The following GNG7 variants were observed in gnomAD, a reference collection of about 807,000 sequenced individuals.
The protein encoded by GNG7 is guanine nucleotide-binding protein G(I)/G(S)/G(O) subunit gamma-7.
Under a neutral mutation model 4.0 loss-of-function variants are expected in GNG7, and 1 was observed. The observed-to-expected ratio is 0.25, with a 90% confidence interval of 0.09 to 1.18. The LOEUF (loss-of-function observed/expected upper bound fraction) is 1.18. GNG7 is among the 50% of genes most tolerant of loss of function. The pLI is 0.50. For synonymous variants in GNG7, 34 were observed against 36.9 expected, an observed-to-expected ratio of 0.92 and a Z score of 0.29; for missense variants, 86 against 91.9, an observed-to-expected ratio of 0.94 and a Z score of 0.26.
intron 3 of GNG7, among the ~76,000 whole-genome samples, chr19:2,524,624 G>A (rs1019643912): frequency 7.9e-5 from 12 of 152,240 alleles, no homozygotes; most frequent in Non-Finnish European, 1.5e-4. Context: ...ATGTGCATGT[G>A]TCTATATGAG....
intron 1 of GNG7, among the ~76,000 whole-genome samples, chr19:2,702,021 A>C (rs1385260246): frequency 1.2e-5 from 1 of 86,936 alleles, no homozygotes; most frequent in Non-Finnish European, 2.3e-5. Context: ...CAATTCCACC[A>C]CCAGCCCCTT....
chr19:2,624,767 G>A (rs1392664985), intron 2 of GNG7, among the ~76,000 whole-genome samples: 2 of 152,212 alleles, frequency 1.3e-5, no homozygotes, highest in Non-Finnish European at 2.9e-5. Flanking sequence ...GAAGGAGGGA[G>A]GCTTTCTGGT....
intron 1 of GNG7, chr19:2,700,550 C>G (rs1375201271): frequency 6.6e-6 from 1 of 152,216 alleles, no homozygotes; most frequent in Non-Finnish European, 1.5e-5. Context: ...TCTGTGACAA[C>G]CCAGTCATCC....
chr19:2,598,213 A>G (rs34929641), intron 2 of GNG7, among the ~76,000 whole-genome samples: 83,296 of 146,856 alleles, frequency 0.57, 25,810 homozygotes, highest in Non-Finnish European at 0.74. Flanking sequence ...CCAAGGACCA[A>G]AAGAACTCAC....
chr19:2,544,276 C>A (rs1979054840), intron 3 of GNG7, among the ~76,000 whole-genome samples: 1 of 152,200 alleles, frequency 6.6e-6, no homozygotes, highest in Admixed American at 6.5e-5. Flanking sequence ...CGCCTTCGTA[C>A]AGTGGCTGGG....
chr19:2,591,577 T>G (rs780059239), intron 2 of GNG7, among the ~76,000 whole-genome samples: 17 of 151,518 alleles, frequency 1.1e-4, no homozygotes, highest in Non-Finnish European at 1.8e-4. Flanking sequence ...TGGGGGAAAG[T>G]CTATCCCAAG....
intron 1 of GNG7, among the ~76,000 whole-genome samples, chr19:2,684,206 G>A (rs1034212883): frequency 4.0e-5 from 6 of 149,290 alleles, no homozygotes; most frequent in African/African-American, 1.2e-4. Context: ...GTGCGATCTC[G>A]GCTCACTGCA....
intron 3 of GNG7, among the ~76,000 whole-genome samples, chr19:2,553,160 A>G (rs1979390938): frequency 6.6e-6 from 1 of 150,868 alleles, no homozygotes; most frequent in East Asian, 1.9e-4. Context: ...TAAGATGCAG[A>G]TAACTACACG....
intron 1 of GNG7, among the ~76,000 whole-genome samples, chr19:2,668,897 A>AC (rs1983380224): frequency 1.3e-5 from 2 of 151,854 alleles, no homozygotes; most frequent in Admixed American, 6.6e-5. Flanking sequence ...TGCTGGGAAC[A>AC]CCCCTCAACC....
rs2144765004 is a variant in GNG7 at position 2,557,177 on chromosome 19, C to G, written c.-77-1989G>C. Among the ~76,000 whole-genome samples the G allele has an allele frequency of 6.6e-6, 1 of 151,844 alleles. No homozygotes were observed. The highest frequency in any genetic ancestry group is 2.4e-5 in the African/African-American group (1 of 41,380). On this transcript the variant is annotated intron_variant, in intron 2 of 4. Transcript: ENST00000382159. The surrounding 1 kb of genome is among the most constrained non-coding windows in gnomAD (Gnocchi z 5.1). ...ACACAAAGACACGCGCACACACGTA[C>G]ACACAAGACACGTGCACACACATTT...
At chr19:2,594,405 G>GGGAAGGAAGGAA (rs36015482) in intron 2 of GNG7, among the ~76,000 whole-genome samples, 5,960 of 136,788 alleles carry the variant, frequency 0.044, 183 homozygotes, top group African/African-American at 0.07. Flanking sequence ...GAAAGAAGGA[G>GGGAAGGAAGGAA]GGAAGGAAGG....
At chr19:2,530,284 G>A (rs567950880) in intron 3 of GNG7, among the ~76,000 whole-genome samples, 3 of 151,904 alleles carry the variant, frequency 2.0e-5, no homozygotes, top group South Asian at 2.1e-4. Flanking sequence ...ATGGTGGCAC[G>A]TGCCTGTAGT....
chr19:2,637,514 A>C (rs1280608193), intron 2 of GNG7, among the ~76,000 whole-genome samples: 1 of 152,136 alleles, frequency 6.6e-6, no homozygotes, highest in Non-Finnish European at 1.5e-5. Flanking sequence ...CGCCCAGCCC[A>C]GCGCCCAGCA....
intron 1 of GNG7, among the ~76,000 whole-genome samples, chr19:2,681,564 G>A (rs142940483): frequency 1.6e-4 from 25 of 152,144 alleles, no homozygotes; most frequent in Middle Eastern, 3.4e-3. Context: ...CCACATCACC[G>A]GGCCAGATCC....
intron 3 of GNG7, among the ~76,000 whole-genome samples, chr19:2,554,561 T>TATA (rs1568241676): frequency 5.9e-4 from 25 of 42,452 alleles, no homozygotes; most frequent in African/African-American, 1.5e-3. Flanking sequence ...ATATATATAT[T>TATA]TTTTTTTTTT....
chr19:2,524,086 G>A (rs1341280744), intron 3 of GNG7, among the ~76,000 whole-genome samples: 11 of 152,300 alleles, frequency 7.2e-5, no homozygotes, highest in South Asian at 2.1e-4. Context: ...GAGAACAAAC[G>A]GGCTGGCCGC....
chr19:2,545,283 C>T (rs561021807), intron 3 of GNG7, among the ~76,000 whole-genome samples: 5 of 152,266 alleles, frequency 3.3e-5, no homozygotes, highest in South Asian at 4.1e-4. Flanking sequence ...CCAGGACAGG[C>T]CCACCTCAGA....
rs767528150 is a variant in GNG7, at chr19:2,515,040, T to C, written c.189A>G (p.Lys63=). 22 of 1,613,348 alleles carry C rather than the reference T, an allele frequency of 1.4e-5. No homozygotes were observed. The highest frequency in any genetic ancestry group is 1.5e-5 in the Non-Finnish European group (18 of 1,179,578). The change falls in exon 5 of 5, where the codon AAA becomes AAG. Residue 63 remains lysine (K), a synonymous_variant. Coordinates refer to ENST00000382159, the MANE Select transcript of GNG7 (RefSeq NM_052847.3). ...AACACAGTTATAAAATAATACAAGGTTTCTTGTCCTTAAAGGGGTTCTCCG... is the reference window on the plus strand; with the variant it reads ...AACACAGTTATAAAATAATACAAGGCTTCTTGTCCTTAAAGGGGTTCTCCG... The part of the protein sequence containing the change: ...PASENPFKDK[K]PCIIL
Position 2,633,982 on chromosome 19 carries a change from G to A in GNG7, c.-78+12242C>T, listed in dbSNP as rs112681837. Among the ~76,000 whole-genome samples the A allele has an allele frequency of 2.3e-3, 346 of 152,184 alleles. 1 individual carries two copies. The highest frequency in any genetic ancestry group is 7.9e-3 in the African/African-American group (329 of 41,518). On this transcript the variant is annotated intron_variant, in intron 2 of 4. Coordinates refer to ENST00000382159, the MANE Select transcript of GNG7 (RefSeq NM_052847.3). The surrounding 1 kb of genome is among the most constrained non-coding windows in gnomAD (Gnocchi z 5.9). ...CCGAGTTGAGACCCCCTGGGATAGG[G>A]GATTCCACGGACCCCCAAGAGACTC... is the stretch of plus-strand genomic sequence containing the variant.
Sources: allele counts gnomAD v4.1 joint callset (sites outside exome capture counted in the v4.1 genomes callset), GRCh38; gene constraint gnomAD v4.1.1; non-coding constraint Gnocchi (gnomAD v3.1); transcripts MANE v1.5; gene names NCBI Gene and HGNC (gene_info 2026-07-23, HGNC 2026-07-21).